ZC3H7A: variants seen among roughly 807,000 people sequenced by gnomAD.
The protein encoded by ZC3H7A is zinc finger CCCH domain-containing protein 7A.
A neutral mutation model predicts 125.5 loss-of-function variants in ZC3H7A; 44 were observed. That is an observed-to-expected ratio of 0.35 (90% CI 0.28 to 0.45). The LOEUF is 0.45. Ranked by LOEUF, ZC3H7A falls within the 20% of genes least tolerant of loss-of-function variation. ZC3H7A has a pLI of 1.00. For synonymous variants in ZC3H7A, 399 were observed against 391.2 expected (o/e 1.02, Z -0.23); for missense variants, 977 against 1,170.7 (o/e 0.83, Z 2.41).
At chr16:11,769,123 C>T (rs766406681) in intron 10 of ZC3H7A, 28 bp from the exon 11 acceptor site, 10 of 1,582,154 alleles carry the variant, frequency 6.3e-6, no homozygotes, top group Admixed American at 1.8e-5. Context: ...CTTCAACAGA[C>T]CTTTTCATTC....
chr16:11,780,397 A>G (rs186502227), intron 3 of ZC3H7A, among the ~76,000 whole-genome samples: 2 of 152,288 alleles, frequency 1.3e-5, no homozygotes, highest in South Asian at 2.1e-4. Flanking sequence ...CTGGGATTAC[A>G]GGTGTGAGCC....
At chr16:11,780,699 AAG>A (rs938901180) in intron 3 of ZC3H7A, among the ~76,000 whole-genome samples, 4 of 152,296 alleles carry the variant, frequency 2.6e-5, no homozygotes, top group African/African-American at 9.6e-5. Context: ...GCTAAGGAAC[AAG>A]AGAGAAGAAA....
At chr16:11,769,375 A>C (rs1043130020) in intron 10 of ZC3H7A, among the ~76,000 whole-genome samples, 1 of 152,108 alleles carries the variant, frequency 6.6e-6, no homozygotes, top group Admixed American at 6.6e-5. Context: ...CACCAAGAAA[A>C]TTCTTTATAT....
intron 3 of ZC3H7A, among the ~76,000 whole-genome samples, chr16:11,780,216 G>C (rs138613478): frequency 2.9e-4 from 44 of 151,560 alleles, no homozygotes; most frequent in Non-Finnish European, 5.7e-4. Context: ...CACCTCCTGA[G>C]TTCAAGTGAT....
At position 11,761,959 on chromosome 16, in the gene ZC3H7A, T is replaced by A; in HGVS notation, c.2164A>T (p.Ile722Phe). Residue 722 changes from isoleucine (I) to phenylalanine (F), a missense_variant, in exon 18 of 23, where the codon ATT becomes TTT. Coordinates refer to ENST00000355758, the MANE Select transcript of ZC3H7A (RefSeq NM_014153.4). ...CAQCLRNGQV[I>F]EPDKNRKYCS... ...TATTTTCTGTTTTTGTCTGGTTCAA[T>A]GACTTGACCGTTTCTCAGACACTGG... The A allele has an allele frequency of 6.2e-7, 1 of 1,613,742 alleles. No individual in the cohort carries two copies. Among genetic ancestry groups the A allele is most frequent in the Non-Finnish European group, 8.5e-7 (1 of 1,179,956 alleles).
At chr16:11,755,528 G>C (rs1298298866) in intron 21 of ZC3H7A, among the ~76,000 whole-genome samples, 2 of 152,104 alleles carry the variant, frequency 1.3e-5, no homozygotes, top group South Asian at 4.1e-4. Context: ...AGGCGTAAGC[G>C]GGGAATGTAA....
intron 16 of ZC3H7A, chr16:11,763,277 T>A (rs2052784308): frequency 2.4e-6 from 1 of 408,194 alleles, no homozygotes; most frequent in South Asian, 5.4e-5. Flanking sequence ...CCGATTAATT[T>A]TTGTATTTTT....
intron 1 of ZC3H7A, among the ~76,000 whole-genome samples, chr16:11,793,532 C>CA (rs111511279): frequency 0.49 from 72,869 of 147,506 alleles, 18,391 homozygotes; most frequent in East Asian, 0.78. Context: ...GATCCTGTCT[C>CA]AAAAAAAAGG....
chr16:11,758,432 C>G lies in ZC3H7A; in HGVS notation c.2427G>C (p.Gly809=), dbSNP rs1360936803. Residue 809 remains glycine (G), a splice_region_variant and synonymous_variant, in exon 20 of 23, where the codon GGG becomes GGC. Transcript: ENST00000355758. The stretch of plus-strand genomic sequence containing the variant: ...GACACAGCTAAAAGATTAACTTACT[C>G]CCATTCTCCTTCATGTAAGTCCAAA... The part of the protein sequence containing the change: ...REVWTYMKEN[G]IQDMEQFYEL... The G allele has an allele frequency of 6.2e-7, 1 of 1,607,772 alleles. No individual in the cohort carries two copies. Among genetic ancestry groups the G allele is most frequent in the South Asian group, 1.1e-5 (1 of 90,922 alleles).
chr16:11,771,597 T>G (rs1422477559), intron 9 of ZC3H7A, among the ~76,000 whole-genome samples: 1 of 151,218 alleles, frequency 6.6e-6, no homozygotes, highest in Non-Finnish European at 1.5e-5. Flanking sequence ...GCCTTCTGAG[T>G]TCAAATGATT....
At chr16:11,757,336 T>A (rs1193129050) in intron 20 of ZC3H7A, among the ~76,000 whole-genome samples, 4 of 151,492 alleles carry the variant, frequency 2.6e-5, no homozygotes, top group Admixed American at 6.6e-5. Flanking sequence ...TACAAAAAAT[T>A]AGCCGGGTGT....
rs768896933 is a variant in ZC3H7A, at chr16:11,758,407, GAC to G, written c.2428+22_2428+23del. 191 of 1,552,610 alleles carry G rather than the reference GAC, an allele frequency of 1.2e-4. 1 individual carries two copies. The highest frequency in any genetic ancestry group is 1.0e-3 in the Middle Eastern group (6 of 5,960). On this transcript the variant is annotated intron_variant, in intron 20 of 22. Transcript: ENST00000355758. Reference sequence around the variant, plus strand: ...GAACTTTCAGGCAAGCTAGCTCAAGGACACAGCTAAAAGATTAACTTACTCCC... The same window carrying G: ...GAACTTTCAGGCAAGCTAGCTCAAGGACAGCTAAAAGATTAACTTACTCCC...
At chr16:11,795,313 A>G (rs1332270247) in intron 1 of ZC3H7A, among the ~76,000 whole-genome samples, 2 of 152,380 alleles carry the variant, frequency 1.3e-5, no homozygotes, top group East Asian at 1.9e-4. Context: ...AAAGATAAGC[A>G]GATAGACATG....
At chr16:11,791,088 A>AACACAC (rs34972921) in intron 1 of ZC3H7A, among the ~76,000 whole-genome samples, 12,331 of 135,944 alleles carry the variant, frequency 0.091, 621 homozygotes, top group South Asian at 0.16. Context: ...AAATTTTTAA[A>AACACAC]ACACACACAC....
At chr16:11,781,399 C>T in intron 3 of ZC3H7A, 26 bp downstream of exon 3, 1 of 1,594,250 alleles carries the variant, frequency 6.3e-7, no homozygotes, top group Admixed American at 1.7e-5. Flanking sequence ...GCAGAGCTTT[C>T]AAGCAGACCT....
At chr16:11,793,008 G>A (rs117527852) in intron 1 of ZC3H7A, among the ~76,000 whole-genome samples, 1 of 152,126 alleles carries the variant, frequency 6.6e-6, no homozygotes, top group Admixed American at 6.5e-5. Context: ...CAAAGCAGAG[G>A]GCTTTCACAG....
chr16:11,786,047 AGGACGAGGTCTTTT>A (rs1203161327), intron 1 of ZC3H7A, among the ~76,000 whole-genome samples: 1 of 152,246 alleles, frequency 6.6e-6, no homozygotes, highest in Non-Finnish European at 1.5e-5. Flanking sequence ...GAAAAGGGGT[AGGACGAGGTCTTTT>A]CAATCTATGT....
Position 11,765,779 on chromosome 16 carries a change from C to G in ZC3H7A, c.1523-94G>C. On this transcript the variant is annotated intron_variant, in intron 13 of 22. Coordinates refer to ENST00000355758, the MANE Select transcript of ZC3H7A (RefSeq NM_014153.4). This position sits in a 1 kb window ranked among gnomAD's most constrained non-coding sequence, Gnocchi z 4.8. Reference sequence around the variant, plus strand: ...GGCTGAGGTGGGAGGATCCCTTGAGCCCAGGAGTTCAAGGCTGCGGTGAGC... The same window carrying G: ...GGCTGAGGTGGGAGGATCCCTTGAGGCCAGGAGTTCAAGGCTGCGGTGAGC... The G allele has an allele frequency of 7.8e-7, 1 of 1,283,158 alleles. No individual in the cohort carries two copies. The allele number at this position is 1,283,158 out of a possible 1,614,324, so 79.5% of individuals were successfully genotyped here. A position where few individuals can be genotyped will look rare whatever the true frequency, so the allele number is the denominator to read the frequency against.
chr16:11,784,171 A>G (rs72782725), intron 1 of ZC3H7A, among the ~76,000 whole-genome samples: 3,086 of 152,290 alleles, frequency 0.02, 52 homozygotes, highest in Middle Eastern at 0.031. Flanking sequence ...CTTTTAAAAC[A>G]GTTTAGCCAA....
Sources: gnomAD v4.1 joint callset for allele counts (sites outside exome capture counted in the v4.1 genomes callset) on GRCh38, gnomAD v4.1.1 for gene constraint, Gnocchi (gnomAD v3.1) non-coding constraint, MANE v1.5 for transcripts, NCBI Gene and HGNC (gene_info 2026-07-23, HGNC 2026-07-21) for gene names.